The following CPAP variants were observed in gnomAD, a reference collection of about 807,000 sequenced individuals.
CPAP encodes the protein centrosome assembly and centriole elongation protein, also known as centrosomal P4.1-associated protein.
the CPAP span, chr13:24,889,273 T>C: frequency 2.3e-6 from 3 of 1,324,890 alleles, no homozygotes; most frequent in Middle Eastern, 1.8e-4. Flanking sequence ...GTTTATTCCT[T>C]ACATTCTGAA....
the CPAP span, among the ~76,000 whole-genome samples, chr13:24,887,905 A>C: frequency 3.9e-5 from 6 of 152,128 alleles, no homozygotes; most frequent in Non-Finnish European, 7.4e-5. Context: ...TCCAAAAACC[A>C]CAGTTTGTGT....
the CPAP span, among the ~76,000 whole-genome samples, chr13:24,884,729 T>C: frequency 6.6e-6 from 1 of 152,220 alleles, no homozygotes; most frequent in East Asian, 1.9e-4. Flanking sequence ...TACAGGAAAG[T>C]CTAACTACTG....
At chr13:24,892,481 C>G in the CPAP span, among the ~76,000 whole-genome samples, 1 of 152,180 alleles carries the variant, frequency 6.6e-6, no homozygotes, top group Non-Finnish European at 1.5e-5. Context: ...CTCCAGGACA[C>G]TTTTCATCTT....
the CPAP span, among the ~76,000 whole-genome samples, chr13:24,900,823 G>A: frequency 4.6e-5 from 7 of 152,140 alleles, no homozygotes; most frequent in Admixed American, 6.5e-5. Flanking sequence ...TGAAGCAGTC[G>A]GGTTAGAAAT....
chr13:24,916,699 GA>G, the CPAP span, among the ~76,000 whole-genome samples: 2 of 152,212 alleles, frequency 1.3e-5, no homozygotes, highest in Admixed American at 6.5e-5. Flanking sequence ...TGTAAATGCA[GA>G]GGAACTTTGA....
At chr13:24,899,690 C>G in the CPAP span, 1 of 833,826 alleles carries the variant, frequency 1.2e-6, no homozygotes, top group South Asian at 1.4e-5. Flanking sequence ...AATTCATCTT[C>G]AATCCATAGG....
the CPAP span, chr13:24,884,395 A>G: frequency 1.9e-6 from 3 of 1,614,014 alleles, no homozygotes; most frequent in Non-Finnish European, 2.5e-6. Flanking sequence ...TCCCATCTGC[A>G]CTCACTTCCT....
chr13:24,909,878 C>T, the CPAP span: 48 of 1,612,012 alleles, frequency 3.0e-5, no homozygotes, highest in Admixed American at 2.8e-4. Context: ...AATTAGGAGA[C>T]GCACGTTTTG....
At chr13:24,905,258 A>C in the CPAP span, 1 of 1,265,896 alleles carries the variant, frequency 7.9e-7, no homozygotes, top group Non-Finnish European at 1.1e-6. Context: ...GCAATAAGGA[A>C]AGTTAGGATT....
chr13:24,901,887 G>C, the CPAP span, among the ~76,000 whole-genome samples: 1 of 152,196 alleles, frequency 6.6e-6, no homozygotes, highest in Non-Finnish European at 1.5e-5. Flanking sequence ...CGCTACGCAG[G>C]AGGCTGAGGT....
At chr13:24,906,272 GAT>G in the CPAP span, 1 of 1,601,362 alleles carries the variant, frequency 6.2e-7, no homozygotes, top group Non-Finnish European at 8.5e-7. Flanking sequence ...ACTAGAAAAT[GAT>G]ATTTCATCAG....
At chr13:24,932,980 C>G in the CPAP span, 3 of 1,516,938 alleles carry the variant, frequency 2.0e-6, no homozygotes, top group Admixed American at 1.7e-5. Flanking sequence ...AGAGAGGGTC[C>G]TTAAAAACTT....
the CPAP span, among the ~76,000 whole-genome samples, chr13:24,930,404 T>A: frequency 1.3e-5 from 2 of 152,148 alleles, no homozygotes; most frequent in African/African-American, 4.8e-5. Context: ...GTATGACTGA[T>A]CCCCTCACCC....
At chr13:24,890,785 C>T in the CPAP span, among the ~76,000 whole-genome samples, 2 of 152,160 alleles carry the variant, frequency 1.3e-5, no homozygotes, top group East Asian at 1.9e-4. Flanking sequence ...CTGCACCTCC[C>T]GCCTCTGGGC....
chr13:24,925,739 C>G, the CPAP span: 1 of 152,646 alleles, frequency 6.6e-6, no homozygotes, highest in African/African-American at 2.4e-5. Flanking sequence ...TGCATAGCCT[C>G]CAGGGAGAAT....
the CPAP span, among the ~76,000 whole-genome samples, chr13:24,884,831 G>A: frequency 5.3e-4 from 81 of 152,232 alleles, no homozygotes; most frequent in African/African-American, 1.7e-3. Flanking sequence ...TTAGGTATTC[G>A]AAAAGTAAAT....
chr13:24,884,778 G>A, the CPAP span, among the ~76,000 whole-genome samples: 1 of 152,114 alleles, frequency 6.6e-6, no homozygotes, highest in East Asian at 1.9e-4. Context: ...CATTCCTCAA[G>A]GATAGCACTC....
At chr13:24,906,511 A>G in the CPAP span, 1 of 1,614,088 alleles carries the variant, frequency 6.2e-7, no homozygotes, top group Non-Finnish European at 8.5e-7. Flanking sequence ...CAGTATCGCA[A>G]GGTTTTGGAC....
chr13:24,892,887 AAAAG>A, the CPAP span: 1,070 of 1,491,504 alleles, frequency 7.2e-4, no homozygotes, highest in Non-Finnish European at 9.4e-4. Context: ...AAAAAAAACA[AAAAG>A]AAAAAACCAT....
Sources: gnomAD v4.1 joint callset for allele counts (sites outside exome capture counted in the v4.1 genomes callset) on GRCh38, gnomAD v4.1.1 for gene constraint, MANE v1.5 for transcripts, NCBI Gene and HGNC (gene_info 2026-07-23, HGNC 2026-07-21) for gene names.